FSD1L: variants seen among roughly 807,000 people sequenced by gnomAD.
FSD1L encodes the protein fibronectin type III and SPRY domain containing 1 like.
FSD1L carries 45 observed loss-of-function variants against 71.6 expected under a neutral mutation model. The observed-to-expected ratio is 0.63, with a 90% confidence interval of 0.49 to 0.81. The LOEUF (loss-of-function observed/expected upper bound fraction) is 0.81, where lower values mean the gene tolerates loss of function less well. FSD1L is among the 30% of genes least tolerant of loss of function. The pLI is 0.00. For synonymous variants in FSD1L, 197 were observed against 207.2 expected, an observed-to-expected ratio of 0.95 and a Z score of 0.42; for missense variants, 561 against 618.1, an observed-to-expected ratio of 0.91 and a Z score of 0.98.
At chr9:105,523,572 A>G in intron 10 of FSD1L, 11 of 1,611,864 alleles carry the variant, frequency 6.8e-6, no homozygotes, top group Middle Eastern at 2.0e-4. Context: ...TAACCTCGGC[A>G]TTTCAGCTGA....
rs1837208112 is a variant in FSD1L at position 105,550,110 on chromosome 9, G to A, written c.*3627G>A. 1 of 151,964 alleles carries A rather than the reference G, an allele frequency of 6.6e-6. No homozygotes were observed. Among genetic ancestry groups the A allele is most frequent in the African/African-American group, 2.4e-5 (1 of 41,434 alleles). 9.4% of individuals were successfully genotyped at this position (151,964 alleles called of 1,614,324 possible). ...CAGTAAAAATGTGATTACTTTGTAT[G>A]TACATTAACCAAAACCAGTGAAGTT... On this transcript the variant is annotated 3_prime_UTR_variant, in exon 14 of 14. Transcript: ENST00000481272.
At chr9:105,489,536 G>A (rs181439905) in intron 7 of FSD1L, among the ~76,000 whole-genome samples, 217 of 151,968 alleles carry the variant, frequency 1.4e-3, no homozygotes, top group Admixed American at 3.9e-3. Flanking sequence ...CTAAGTTTTA[G>A]GGTACATTTG....
intron 10 of FSD1L, among the ~76,000 whole-genome samples, chr9:105,528,445 A>G (rs945924750): frequency 6.6e-6 from 1 of 152,352 alleles, no homozygotes; most frequent in Admixed American, 6.5e-5. Context: ...ACATAGACCA[A>G]TGGAAGAGAA....
intron 9 of FSD1L, among the ~76,000 whole-genome samples, chr9:105,510,394 A>C (rs1300837490): frequency 2.0e-5 from 3 of 152,196 alleles, no homozygotes; most frequent in South Asian, 4.1e-4. Flanking sequence ...GGGGCTACTA[A>C]TGAGAGTAAG....
chr9:105,508,984 A>G (rs575118604), intron 9 of FSD1L, among the ~76,000 whole-genome samples: 3 of 152,302 alleles, frequency 2.0e-5, no homozygotes, highest in Non-Finnish European at 2.9e-5. Flanking sequence ...ATAAATTTCA[A>G]TCTTGTTATA....
At chr9:105,499,751 AT>A (rs761444481) in intron 7 of FSD1L, among the ~76,000 whole-genome samples, 2 of 149,848 alleles carry the variant, frequency 1.3e-5, no homozygotes, top group Admixed American at 6.7e-5. Flanking sequence ...TTTCTCAGTC[AT>A]TATTGTTTCA....
intron 1 of FSD1L, among the ~76,000 whole-genome samples, chr9:105,457,797 C>T (rs138856367): frequency 2.3e-4 from 35 of 152,284 alleles, no homozygotes; most frequent in East Asian, 2.1e-3. Context: ...GTTTGGGGTC[C>T]GGCCACTGTG....
rs1837058879 is a variant in FSD1L at position 105,547,248 on chromosome 9, T to C, written c.*765T>C. ...ATGGGTAAGATTTTTGAAAGCCTTATATTTTTTGATTTTGTTGTCTAGTTT... is the reference window on the plus strand; with the variant it reads ...ATGGGTAAGATTTTTGAAAGCCTTACATTTTTTGATTTTGTTGTCTAGTTT... On this transcript the variant is annotated 3_prime_UTR_variant, in exon 14 of 14. Coordinates refer to ENST00000481272, the MANE Select transcript of FSD1L (RefSeq NM_001145313.3). 1 of 152,292 alleles carries C rather than the reference T, an allele frequency of 6.6e-6. No homozygotes were observed. The highest frequency in any genetic ancestry group is 1.5e-5 in the Non-Finnish European group (1 of 67,894). 9.4% of individuals were successfully genotyped at this position (152,292 alleles called of 1,614,324 possible). A position where few individuals can be genotyped will look rare whatever the true frequency, so the allele number is the denominator to read the frequency against.
intron 7 of FSD1L, among the ~76,000 whole-genome samples, chr9:105,505,406 G>T (rs562548562): frequency 9.2e-5 from 14 of 152,146 alleles, no homozygotes; most frequent in African/African-American, 3.4e-4. Flanking sequence ...GATTACTGGC[G>T]CATGCCACCA....
chr9:105,493,137 G>A (rs1027553074), intron 7 of FSD1L, among the ~76,000 whole-genome samples: 3 of 152,134 alleles, frequency 2.0e-5, no homozygotes, highest in Non-Finnish European at 4.4e-5. Context: ...GGGAGTCTAA[G>A]TCTCTTTGTA....
intron 7 of FSD1L, among the ~76,000 whole-genome samples, chr9:105,485,533 G>GTTTTTTTT (rs34268568): frequency 2.5e-4 from 20 of 79,400 alleles, no homozygotes; most frequent in Non-Finnish European, 4.2e-4. Context: ...TTGGTTAGGT[G>GTTTTTTTT]TTTTTTTTTT....
rs1834055274 is a variant in FSD1L at position 105,506,414 on chromosome 9, A to G, written c.602A>G (p.Glu201Gly). 3.2e-6 allele frequency: 5 copies of G among 1,551,216 alleles called. No homozygotes were observed. Among genetic ancestry groups the G allele is most frequent in the Non-Finnish European group, 3.5e-6 (4 of 1,146,548 alleles). ...LKFLPVPKAPEIDPVECLVAD... is the reference protein window; with the variant it reads ...LKFLPVPKAPGIDPVECLVAD... ...TTCTTTGCAGTCCCCAAAGCTCCAGAGATAGATCCAGTAGAGTGTTTGGTG... is the reference window on the plus strand; with the variant it reads ...TTCTTTGCAGTCCCCAAAGCTCCAGGGATAGATCCAGTAGAGTGTTTGGTG... Residue 201 changes from glutamate to glycine, a missense_variant, in exon 8 of 14, where the codon GAG becomes GGG. Glu to Gly is a moderately conservative substitution (Grantham distance 98, BLOSUM62 -2). Around this residue, in one of 3 missense-constraint regions of FSD1L, gnomAD observed 410 missense variants for 413.5 expected, o/e 0.99. Coordinates refer to ENST00000481272, the MANE Select transcript of FSD1L (RefSeq NM_001145313.3).
At position 105,522,134 on chromosome 9, in the gene FSD1L, C is replaced by A. The variant is rs560596837; in HGVS notation, c.1025+9198C>A. The A allele has an allele frequency of 2.2e-5, 36 of 1,613,838 alleles. No homozygotes were observed. The Admixed American group carries it at 6.0e-4, about 27-fold the overall frequency. ...CACTTTTCCAGACCCTTATAGTTGCCTGGATCAAAGCAAACCTAAATGTGT... is the reference window on the plus strand; with the variant it reads ...CACTTTTCCAGACCCTTATAGTTGCATGGATCAAAGCAAACCTAAATGTGT... On this transcript the variant is annotated intron_variant, in intron 10 of 13. Transcript: ENST00000481272.
chr9:105,497,307 A>C (rs1354136471), intron 7 of FSD1L, among the ~76,000 whole-genome samples: 1 of 152,176 alleles, frequency 6.6e-6, no homozygotes, highest in African/African-American at 2.4e-5. Context: ...TTTATGAGAC[A>C]TACTGGTTTG....
intron 10 of FSD1L, chr9:105,524,414 G>C (rs1259158630): frequency 6.2e-7 from 1 of 1,613,524 alleles, no homozygotes; most frequent in African/African-American, 1.3e-5. Flanking sequence ...ACAAGAGGTT[G>C]GTAGTATCTT....
intron 10 of FSD1L, among the ~76,000 whole-genome samples, chr9:105,518,076 A>G (rs1834849026): frequency 6.6e-6 from 1 of 152,232 alleles, no homozygotes; most frequent in Non-Finnish European, 1.5e-5. Flanking sequence ...GGCATTACAT[A>G]ATGGTAAAGG....
intron 7 of FSD1L, among the ~76,000 whole-genome samples, chr9:105,494,279 C>G (rs1176832644): frequency 2.0e-5 from 3 of 152,142 alleles, no homozygotes; most frequent in Admixed American, 6.5e-5. Flanking sequence ...ACCCTTTCTT[C>G]CAGTTGATTG....
chr9:105,512,467 A>G (rs1054022975), intron 9 of FSD1L, among the ~76,000 whole-genome samples: 1 of 152,120 alleles, frequency 6.6e-6, no homozygotes, highest in African/African-American at 2.4e-5. Flanking sequence ...CTATTTAGTC[A>G]TAACAGTCAA....
rs1348369087 is a variant in FSD1L at position 105,548,180 on chromosome 9, CTT to C, written c.*1700_*1701del. 6.6e-6 allele frequency: 1 copy of C among 152,088 alleles called. No individual in the cohort carries two copies. Among genetic ancestry groups the C allele is most frequent in the Non-Finnish European group, 1.5e-5 (1 of 67,972 alleles). The allele number at this position is 152,088 out of a possible 1,614,324, so 9.4% of individuals were successfully genotyped here. On this transcript the variant is annotated 3_prime_UTR_variant, in exon 14 of 14. Coordinates refer to ENST00000481272, the MANE Select transcript of FSD1L (RefSeq NM_001145313.3). Reference sequence around the variant, plus strand: ...AGAATGAAGTAAACCAATAGATACTCTTTTGATTCTCCAAAGAAATATAATTT... The same window carrying C: ...AGAATGAAGTAAACCAATAGATACTCTTGATTCTCCAAAGAAATATAATTT...
Sources: gnomAD v4.1 joint callset for allele counts (sites outside exome capture counted in the v4.1 genomes callset) on GRCh38, gnomAD v4.1.1 for gene constraint, gnomAD v4.1.1 regional missense constraint, MANE v1.5 for transcripts, NCBI Gene and HGNC (gene_info 2026-07-23, HGNC 2026-07-21) for gene names.